TSHZ3: variants seen among roughly 807,000 people sequenced by gnomAD.
TSHZ3 encodes the protein teashirt zinc finger homeobox 3.
In TSHZ3, 10 loss-of-function variants were observed where a neutral mutation model predicts 64.5. That is an observed-to-expected ratio of 0.16 (90% confidence interval 0.10 to 0.26). TSHZ3 has a LOEUF of 0.26. TSHZ3 is among the 10% of genes least tolerant of loss of function. The pLI, the probability that TSHZ3 is intolerant of heterozygous loss-of-function variation, is 1.00. For missense variants in TSHZ3, 1,242 were observed against 1,421.7 expected (o/e 0.87, Z 2.03); for synonymous variants, 608 against 593.1 (o/e 1.03, Z -0.36).
chr19:31,271,210 G>A (rs2145205862), downstream of TSHZ3, among the ~76,000 whole-genome samples: 1 of 152,214 alleles, frequency 6.6e-6, no homozygotes, highest in Admixed American at 6.5e-5. Context: ...CAGCGCTTTG[G>A]GATGCAGGCC....
exon 7 of TSHZ3, among the ~76,000 whole-genome samples, chr19:31,150,879 C>T (rs1227165382): frequency 6.6e-6 from 1 of 152,138 alleles, no homozygotes; most frequent in Non-Finnish European, 1.5e-5. Flanking sequence ...AGAATCTAAG[C>T]TGGACATCAG....
intron 3 of TSHZ3, among the ~76,000 whole-genome samples, chr19:31,240,332 C>A (rs1975671217): frequency 6.6e-6 from 1 of 151,856 alleles, no homozygotes; most frequent in South Asian, 2.1e-4. Context: ...TATTTTGACA[C>A]ACATAAAAAC....
In TSHZ3 at chr19:31,279,605, G is replaced by A. The variant is rs779284228; in HGVS notation, c.188C>T (p.Pro63Leu). 4.8e-5 allele frequency: 77 copies of A among 1,611,500 alleles called. No homozygotes were observed. The highest frequency in any genetic ancestry group is 1.0e-4 in the Admixed American group (6 of 59,814). Residue 63 changes from proline to leucine, a missense_variant, in exon 2 of 2, where the codon CCG (proline) becomes CTG (leucine). Coordinates refer to ENST00000240587, the MANE Select transcript of TSHZ3 (RefSeq NM_020856.4). This position sits in a 1 kb window ranked among gnomAD's most constrained non-coding sequence, Gnocchi z 6.4. Reference protein sequence around the residue: ...ARACPSYQNSPAAEFSCHEMD... With the variant: ...ARACPSYQNSLAAEFSCHEMD... ...TTCATGGCAGGAAAACTCGGCGGCC[G>A]GGGAGTTCTGGTAGCTGGGGCAGGC... is the stretch of plus-strand genomic sequence containing the variant.
At chr19:31,158,334 T>A (rs1974332089) in intron 5 of TSHZ3, among the ~76,000 whole-genome samples, 1 of 152,198 alleles carries the variant, frequency 6.6e-6, no homozygotes, top group Non-Finnish European at 1.5e-5. Flanking sequence ...AATGATCATG[T>A]TTGGTATACC....
At chr19:31,305,456 C>T (rs1916266552) in intron 1 of TSHZ3, 1 of 152,090 alleles carries the variant, frequency 6.6e-6, no homozygotes, top group Non-Finnish European at 1.5e-5. Flanking sequence ...TGATCAGTTC[C>T]CCAGAGCAAA....
chr19:31,223,906 G>C (rs1975424752), intron 4 of TSHZ3, among the ~76,000 whole-genome samples: 1 of 152,184 alleles, frequency 6.6e-6, no homozygotes, highest in Non-Finnish European at 1.5e-5. Context: ...GTGAGGGGAA[G>C]GACCACAGTG....
chr19:31,161,242 T>A (rs965283284), intron 5 of TSHZ3, among the ~76,000 whole-genome samples: 1 of 152,182 alleles, frequency 6.6e-6, no homozygotes, highest in Non-Finnish European at 1.5e-5. Context: ...GGATGCCTGA[T>A]AGCGGTATGA....
Position 31,349,303 on chromosome 19 carries a change from G to A in TSHZ3, c.-84C>T, listed in dbSNP as rs980571932. ...GGAGGGAGGGGGCGGCGGGCCCGCGGGGGGGCGAGGCGGGCCTGCTCTCAG... is the reference window on the plus strand; with the variant it reads ...GGAGGGAGGGGGCGGCGGGCCCGCGAGGGGGCGAGGCGGGCCTGCTCTCAG... On this transcript the variant is annotated 5_prime_UTR_variant, in exon 1 of 2. Transcript: ENST00000240587. 1.4e-6 allele frequency: 2 copies of A among 1,387,614 alleles called. No homozygotes were observed. Among genetic ancestry groups the A allele is most frequent in the African/African-American group, 1.5e-5 (1 of 65,674 alleles). The allele number at this position is 1,387,614 out of a possible 1,614,324, so 86.0% of individuals were successfully genotyped here.
At chr19:31,179,791 G>A (rs1241492092) in intron 5 of TSHZ3, among the ~76,000 whole-genome samples, 9 of 149,178 alleles carry the variant, frequency 6.0e-5, no homozygotes, top group Non-Finnish European at 1.3e-4. Context: ...GGTGGTGATG[G>A]TGGTGGTAAC....
chr19:31,292,760 ATCCAT>A (rs1976591053), intron 1 of TSHZ3, among the ~76,000 whole-genome samples: 2 of 151,266 alleles, frequency 1.3e-5, no homozygotes, highest in African/African-American at 4.9e-5. Context: ...CCATCCATCC[ATCCAT>A]CCACCCACCC....
At chr19:31,319,632 A>G (rs1287104872) in intron 1 of TSHZ3, among the ~76,000 whole-genome samples, 2 of 152,214 alleles carry the variant, frequency 1.3e-5, no homozygotes, top group Non-Finnish European at 2.9e-5. Flanking sequence ...CCATGAGCTC[A>G]TAGCCCCTCA....
At chr19:31,196,542 C>A (rs1974996284) in intron 5 of TSHZ3, among the ~76,000 whole-genome samples, 1 of 151,824 alleles carries the variant, frequency 6.6e-6, no homozygotes, top group African/African-American at 2.4e-5. Flanking sequence ...CAGAGTGGAT[C>A]AAAAAATGAA....
intron 3 of TSHZ3, among the ~76,000 whole-genome samples, chr19:31,231,783 A>G (rs1423110596): frequency 6.6e-6 from 1 of 152,178 alleles, no homozygotes; most frequent in African/African-American, 2.4e-5. Context: ...CAGCTTCACA[A>G]GTCGTGCCTA....
intron 5 of TSHZ3, among the ~76,000 whole-genome samples, chr19:31,186,095 G>A (rs923322430): frequency 6.6e-5 from 10 of 152,010 alleles, no homozygotes; most frequent in Admixed American, 1.3e-4. Flanking sequence ...GGTTCCTTCC[G>A]GTTTTTACCC....
At chr19:31,336,488 A>T (rs961732047) in intron 1 of TSHZ3, among the ~76,000 whole-genome samples, 10 of 152,178 alleles carry the variant, frequency 6.6e-5, no homozygotes, top group African/African-American at 2.4e-4. Flanking sequence ...GCCAGAGGAG[A>T]TGCATAGCTT....
At chr19:31,321,295 G>C (rs545908847) in intron 1 of TSHZ3, among the ~76,000 whole-genome samples, 101 of 152,316 alleles carry the variant, frequency 6.6e-4, no homozygotes, top group African/African-American at 2.3e-3. Context: ...GGCTGACATG[G>C]GAGACAGGCA....
intron 5 of TSHZ3, among the ~76,000 whole-genome samples, chr19:31,157,027 T>C (rs1343899751): frequency 6.6e-6 from 1 of 152,116 alleles, no homozygotes; most frequent in African/African-American, 2.4e-5. Flanking sequence ...GGGTGGTAAA[T>C]TGATACAACC....
intron 1 of TSHZ3, among the ~76,000 whole-genome samples, chr19:31,337,963 A>G (rs1917302533): frequency 6.6e-6 from 1 of 152,262 alleles, no homozygotes; most frequent in Non-Finnish European, 1.5e-5. Context: ...TTAAAAATTA[A>G]TGTCCACACT....
chr19:31,173,016 T>C (rs377531530), intron 5 of TSHZ3, among the ~76,000 whole-genome samples: 2 of 152,294 alleles, frequency 1.3e-5, no homozygotes, highest in African/African-American at 4.8e-5. Context: ...CCATAAGGGC[T>C]CTAGCTCATG....
Sources: allele counts gnomAD v4.1 joint callset (sites outside exome capture counted in the v4.1 genomes callset), GRCh38; gene constraint gnomAD v4.1.1; non-coding constraint Gnocchi (gnomAD v3.1); transcripts MANE v1.5; gene names NCBI Gene and HGNC (gene_info 2026-07-23, HGNC 2026-07-21).